CHCHD3: variants seen among roughly 807,000 people sequenced by gnomAD.
CHCHD3 encodes MICOS complex subunit MIC19.
CHCHD3 carries 20 observed loss-of-function variants against 38.2 expected under a neutral mutation model. That is an observed-to-expected ratio of 0.52 (90% confidence interval 0.37 to 0.76). CHCHD3 has a LOEUF of 0.76. CHCHD3 is among the 30% of genes least tolerant of loss of function. The pLI is 0.00. For missense variants in CHCHD3, 245 were observed against 279.2 expected (o/e 0.88, Z 0.87); for synonymous variants, 82 against 100.0 (o/e 0.82, Z 1.07).
intron 5 of CHCHD3, among the ~76,000 whole-genome samples, chr7:132,884,452 A>C (rs1809153728): frequency 6.6e-6 from 1 of 152,196 alleles, no homozygotes; most frequent in Admixed American, 6.5e-5. Context: ...AGCTGCTGGC[A>C]CAAGACCAGG....
At chr7:132,785,954 G>A (rs1806305594) in intron 7 of CHCHD3, among the ~76,000 whole-genome samples, 2 of 152,286 alleles carry the variant, frequency 1.3e-5, no homozygotes, top group African/African-American at 4.8e-5. Flanking sequence ...AAAGTGGGCA[G>A]ATCACTTGAG....
At chr7:132,828,820 C>T (rs1032453767) in intron 6 of CHCHD3, among the ~76,000 whole-genome samples, 1 of 152,134 alleles carries the variant, frequency 6.6e-6, no homozygotes, top group African/African-American at 2.4e-5. Flanking sequence ...TATGGCTGAA[C>T]CTATATAATG....
chr7:133,037,611 G>C (rs1402665938), intron 2 of CHCHD3, among the ~76,000 whole-genome samples: 2 of 152,112 alleles, frequency 1.3e-5, no homozygotes, highest in Non-Finnish European at 2.9e-5. Flanking sequence ...TCAGGAGTTC[G>C]AGACCGGCCT....
intron 2 of CHCHD3, among the ~76,000 whole-genome samples, chr7:133,025,734 G>C (rs540152625): frequency 6.2e-4 from 94 of 152,270 alleles, no homozygotes; most frequent in Non-Finnish European, 1.1e-3. Context: ...TCAATCTCCT[G>C]ACCTCATGAT....
intron 2 of CHCHD3, among the ~76,000 whole-genome samples, chr7:133,063,580 C>T (rs1172253942): frequency 6.6e-6 from 1 of 152,134 alleles, no homozygotes; most frequent in African/African-American, 2.4e-5. Flanking sequence ...CTTTACTTAA[C>T]TGAAGATGAA....
intron 6 of CHCHD3, among the ~76,000 whole-genome samples, chr7:132,826,205 C>T (rs1807504191): frequency 6.6e-6 from 1 of 152,160 alleles, no homozygotes; most frequent in South Asian, 2.1e-4. Context: ...AGAGGAGGAG[C>T]AAATGGCAGT....
At chr7:132,822,805 A>G (rs2117070940) in intron 6 of CHCHD3, among the ~76,000 whole-genome samples, 1 of 151,356 alleles carries the variant, frequency 6.6e-6, no homozygotes, top group East Asian at 1.9e-4. Flanking sequence ...ATCCGCCCCC[A>G]CCGCGCCCCC....
intron 2 of CHCHD3, among the ~76,000 whole-genome samples, chr7:133,036,308 A>G (rs1220320053): frequency 6.6e-6 from 1 of 152,212 alleles, no homozygotes; most frequent in African/African-American, 2.4e-5. Flanking sequence ...AGGGAATTTA[A>G]CAGGAAGAAA....
intron 4 of CHCHD3, among the ~76,000 whole-genome samples, chr7:132,955,534 G>A (rs951743309): frequency 6.7e-6 from 1 of 149,328 alleles, no homozygotes; most frequent in Non-Finnish European, 1.5e-5. Context: ...TGTTTTTTGG[G>A]GTTTTTTGTT....
chr7:132,796,321 T>C (rs1806611009), intron 7 of CHCHD3, 121 bp downstream of exon 7: 13 of 1,052,996 alleles, frequency 1.2e-5, no homozygotes, highest in South Asian at 1.1e-4. Flanking sequence ...TTCTTGATGA[T>C]GATGACTAGG....
chr7:132,922,183 G>A (rs555272666), intron 4 of CHCHD3, among the ~76,000 whole-genome samples: 1 of 152,140 alleles, frequency 6.6e-6, no homozygotes, highest in Non-Finnish European at 1.5e-5. Context: ...GTAAGCATGG[G>A]TGTGCCTGGG....
intron 6 of CHCHD3, chr7:132,813,407 C>T (rs191756467): frequency 3.3e-5 from 5 of 152,230 alleles, no homozygotes; most frequent in East Asian, 1.9e-4. Flanking sequence ...ATATCCAAAA[C>T]GGGGGTCTAC....
chr7:132,957,588 T>G (rs988883676), intron 4 of CHCHD3, among the ~76,000 whole-genome samples: 3 of 152,172 alleles, frequency 2.0e-5, no homozygotes, highest in Admixed American at 6.5e-5. Context: ...GTTCAAGCGA[T>G]TCTCCTGCCT....
chr7:132,836,397 G>A (rs1807783285), intron 6 of CHCHD3, among the ~76,000 whole-genome samples: 1 of 152,116 alleles, frequency 6.6e-6, no homozygotes, highest in South Asian at 2.1e-4. Context: ...TGGGATTACA[G>A]GTGTGAGCCA....
chr7:133,046,947 C>T (rs1333224679), intron 2 of CHCHD3, among the ~76,000 whole-genome samples: 2 of 152,266 alleles, frequency 1.3e-5, no homozygotes, highest in East Asian at 1.9e-4. Flanking sequence ...AGGTTAAGAA[C>T]CTTTAATCCA....
At chr7:132,953,748 C>T (rs1811088382) in intron 4 of CHCHD3, among the ~76,000 whole-genome samples, 2 of 152,172 alleles carry the variant, frequency 1.3e-5, no homozygotes, top group African/African-American at 4.8e-5. Context: ...GGACGGACTT[C>T]ACATTTGAAC....
intron 2 of CHCHD3, among the ~76,000 whole-genome samples, chr7:133,043,361 A>C (rs538673791): frequency 8.1e-4 from 123 of 152,226 alleles, no homozygotes; most frequent in African/African-American, 2.8e-3. Context: ...GACAAAATCG[A>C]CTGGACACGG....
intron 5 of CHCHD3, among the ~76,000 whole-genome samples, chr7:132,874,623 C>A (rs546724970): frequency 1.4e-4 from 22 of 152,096 alleles, no homozygotes; most frequent in Non-Finnish European, 2.8e-4. Flanking sequence ...CTGAAACCTG[C>A]GCCTGGTTCT....
intron 6 of CHCHD3, among the ~76,000 whole-genome samples, chr7:132,832,785 G>A (rs1360227128): frequency 6.6e-6 from 1 of 152,152 alleles, no homozygotes; most frequent in East Asian, 1.9e-4. Flanking sequence ...TGTAGCCACA[G>A]AGATCTGATT....
Sources: allele counts gnomAD v4.1 joint callset (sites outside exome capture counted in the v4.1 genomes callset), GRCh38; gene constraint gnomAD v4.1.1; transcripts MANE v1.5; gene names NCBI Gene and HGNC (gene_info 2026-07-23, HGNC 2026-07-21).